Variants in SLC4A4 observed in about 807,000 individuals in gnomAD.
SLC4A4 encodes the protein electrogenic sodium bicarbonate cotransporter 1.
SLC4A4 carries 27 observed loss-of-function variants against 111.5 expected under a neutral mutation model. The ratio of observed to expected loss-of-function variants is 0.24; its 90% CI spans 0.18 to 0.33. The LOEUF (loss-of-function observed/expected upper bound fraction) is 0.33. Ranked by LOEUF, SLC4A4 falls within the 10% of genes least tolerant of loss-of-function variation. The probability of loss-of-function intolerance (pLI) is 1.00; values close to 1 mark genes in which losing one functional copy is unlikely to be tolerated. For missense variants in SLC4A4, 909 were observed against 1,315.5 expected (o/e 0.69, Z 4.78); for synonymous variants, 443 against 463.4 (o/e 0.96, Z 0.57).
chr4:71,488,809 TATGCATCAATTGCATACCTTAATTAAA>T (rs1219712637), intron 15 of SLC4A4, among the ~76,000 whole-genome samples: 1 of 151,564 alleles, frequency 6.6e-6, no homozygotes, highest in Non-Finnish European at 1.5e-5. Context: ...AATCCCTTCA[TATGCATCAATTGCATACCTTAATTAAA>T]ATGTGAAGGT....
chr4:71,162,084 G>A (rs1036009307), intron 2 of SLC4A4, among the ~76,000 whole-genome samples: 3 of 152,150 alleles, frequency 2.0e-5, no homozygotes, highest in Non-Finnish European at 4.4e-5. Context: ...TCACTTTGAA[G>A]AGGTTATTCT....
At position 71,324,421 on chromosome 4, in the gene SLC4A4, A is replaced by T. The variant is rs1560410553; in HGVS notation, c.254-14949A>T. ...TACAATTAATATAATTGGGATAATTAATAAAAGAAGCAGCAGACCAAAAAG... is the reference window on the plus strand; with the variant it reads ...TACAATTAATATAATTGGGATAATTTATAAAAGAAGCAGCAGACCAAAAAG... On this transcript the variant is annotated intron_variant, in intron 3 of 25. Coordinates refer to ENST00000264485, the MANE Select transcript of SLC4A4 (RefSeq NM_001098484.3). 2.6e-5 allele frequency among the ~76,000 whole-genome samples: 4 copies of T among 152,142 alleles called. No homozygotes were observed. In the East Asian group the frequency reaches 7.7e-4, roughly 29 times the overall value.
Position 71,349,972 on chromosome 4 carries a change from G to A in SLC4A4, c.450G>A (p.Val150=), listed in dbSNP as rs555872759. 4 of 1,614,056 alleles carry A rather than the reference G, an allele frequency of 2.5e-6. No individual in the cohort carries two copies. In the African/African-American group the frequency reaches 4.0e-5, roughly 16 times the overall value. Reference sequence around the variant, plus strand: ...GGGAAAGATGGAGCAAGCCCCATGTGGCCACATTGTCCCTTCATAGTTTAT... The same window carrying A: ...GGGAAAGATGGAGCAAGCCCCATGTAGCCACATTGTCCCTTCATAGTTTAT... ...QGGERWSKPH[V]ATLSLHSLFE... The change falls in exon 5 of 26, where the codon GTG becomes GTA. Residue 150 remains valine, a synonymous_variant. Transcript: ENST00000264485.
At chr4:71,336,273 G>A (rs182797986) in intron 3 of SLC4A4, among the ~76,000 whole-genome samples, 3 of 152,272 alleles carry the variant, frequency 2.0e-5, no homozygotes, top group Non-Finnish European at 2.9e-5. Context: ...GCTTTGTACC[G>A]TAGTGCATGA....
At chr4:71,184,773 T>A (rs907458651), upstream of SLC4A4, among the ~76,000 whole-genome samples, 1 of 152,144 alleles carries the variant, frequency 6.6e-6, no homozygotes, top group South Asian at 2.1e-4. Flanking sequence ...TCGAAAGTGA[T>A]CACATGCAGA....
intron 9 of SLC4A4, among the ~76,000 whole-genome samples, 193 bp downstream of exon 9, chr4:71,447,926 T>G (rs1477014442): frequency 6.6e-6 from 1 of 152,256 alleles, no homozygotes; most frequent in Non-Finnish European, 1.5e-5. Context: ...ATTTTGGTTT[T>G]CTATGGGATT....
At chr4:71,089,049 G>C (rs1056656726) in intron 1 of SLC4A4, among the ~76,000 whole-genome samples, 1 of 152,016 alleles carries the variant, frequency 6.6e-6, no homozygotes, top group African/African-American at 2.4e-5. Context: ...ACCAGTCAGA[G>C]GTAGATTTGG....
intron 2 of SLC4A4, among the ~76,000 whole-genome samples, chr4:71,153,033 G>GTATATATATATATA (rs35271982): frequency 7.5e-6 from 1 of 132,718 alleles, no homozygotes. Flanking sequence ...ATATGTGTGT[G>GTATATATATATATA]TATATATATA....
chr4:71,546,211 A>T (rs1735506135), intron 18 of SLC4A4, 139 bp from the exon 19 acceptor site: 2 of 719,522 alleles, frequency 2.8e-6, no homozygotes, highest in Non-Finnish European at 4.9e-6. Flanking sequence ...AAGAAGATAA[A>T]GTCCCCTCTT....
intron 16 of SLC4A4, among the ~76,000 whole-genome samples, chr4:71,502,511 T>C (rs538521564): frequency 2.0e-5 from 3 of 152,330 alleles, no homozygotes; most frequent in Non-Finnish European, 4.4e-5. Flanking sequence ...CCATGGGTTT[T>C]GGTATGATAT....
At chr4:71,282,575 G>A (rs1253581612) in intron 3 of SLC4A4, among the ~76,000 whole-genome samples, 1 of 150,594 alleles carries the variant, frequency 6.6e-6, no homozygotes, top group East Asian at 2.0e-4. Context: ...ATGAGCCACG[G>A]CACCCAGCTG....
At chr4:71,425,890 T>C (rs1723078811) in intron 7 of SLC4A4, among the ~76,000 whole-genome samples, 1 of 151,950 alleles carries the variant, frequency 6.6e-6, no homozygotes, top group Admixed American at 6.6e-5. Flanking sequence ...AGAGAATAGA[T>C]TATAAATGTT....
At chr4:71,269,527 C>T (rs1722542217) in intron 3 of SLC4A4, among the ~76,000 whole-genome samples, 2 of 151,914 alleles carry the variant, frequency 1.3e-5, no homozygotes, top group Admixed American at 1.3e-4. Context: ...TTTTTCTTTT[C>T]TGAGTTCAGA....
At chr4:71,521,474 T>C (rs1358329676) in intron 16 of SLC4A4, among the ~76,000 whole-genome samples, 1 of 152,152 alleles carries the variant, frequency 6.6e-6, no homozygotes, top group Non-Finnish European at 1.5e-5. Flanking sequence ...GTTCAAACAG[T>C]CGTCCTGCCT....
chr4:71,278,227 T>C (rs576505855), intron 3 of SLC4A4, among the ~76,000 whole-genome samples: 4 of 152,260 alleles, frequency 2.6e-5, no homozygotes, highest in Non-Finnish European at 5.9e-5. Context: ...TTATTTCACT[T>C]AGCACAACGT....
At chr4:71,391,328 C>T (rs1416334185) in intron 6 of SLC4A4, among the ~76,000 whole-genome samples, 2 of 152,044 alleles carry the variant, frequency 1.3e-5, no homozygotes, top group East Asian at 1.9e-4. Flanking sequence ...CATGGGTTCT[C>T]TATTGGCTCA....
intron 16 of SLC4A4, among the ~76,000 whole-genome samples, chr4:71,524,178 G>C (rs1368160064): frequency 2.6e-5 from 4 of 152,066 alleles, no homozygotes; most frequent in African/African-American, 9.7e-5. Context: ...CTTGTGATGT[G>C]TTTTCTGTAT....
intron 1 of SLC4A4, among the ~76,000 whole-genome samples, chr4:71,069,209 AT>A (rs61549576): frequency 1.6e-4 from 24 of 152,352 alleles, no homozygotes; most frequent in African/African-American, 5.5e-4. Context: ...CATGTGACCA[AT>A]TCTGGCTAAT....
chr4:71,358,532 A>G (rs1014943178), intron 6 of SLC4A4, among the ~76,000 whole-genome samples: 3 of 152,222 alleles, frequency 2.0e-5, no homozygotes, highest in Non-Finnish European at 4.4e-5. Flanking sequence ...TTTCTGTGGT[A>G]TATTTTTTAG....
Sources: allele counts gnomAD v4.1 joint callset (sites outside exome capture counted in the v4.1 genomes callset), GRCh38; gene constraint gnomAD v4.1.1; transcripts MANE v1.5; gene names NCBI Gene and HGNC (gene_info 2026-07-23, HGNC 2026-07-21).